EYS: variants seen among roughly 807,000 people sequenced by gnomAD.
EYS encodes EGF-like photoreceptor maintenance factor.
EYS carries 250 observed loss-of-function variants against 282.1 expected under a neutral mutation model. The observed-to-expected ratio is 0.89, with a 90% confidence interval of 0.80 to 0.98. The LOEUF (loss-of-function observed/expected upper bound fraction) is 0.98, where lower values mean the gene tolerates loss of function less well. EYS is among the 50% of genes least tolerant of loss of function. The pLI is 0.00. For synonymous variants in EYS, 1,355 were observed against 1,282.9 expected (o/e 1.06, Z -1.20); for missense variants, 4,016 against 3,709.0 (o/e 1.08, Z -2.15).
chr6:64,464,014 C>T (rs1775841446), intron 26 of EYS, among the ~76,000 whole-genome samples: 2 of 152,134 alleles, frequency 1.3e-5, no homozygotes, highest in African/African-American at 4.8e-5. Flanking sequence ...AGACCAACGT[C>T]CTTGAAACAT....
intron 2 of EYS, among the ~76,000 whole-genome samples, chr6:65,569,205 C>T (rs1197583764): frequency 2.0e-5 from 3 of 152,098 alleles, no homozygotes; most frequent in African/African-American, 4.8e-5. Context: ...CCCCACTGAG[C>T]ACCTTGTGAC....
intron 35 of EYS, among the ~76,000 whole-genome samples, chr6:63,974,649 G>A (rs1173021394): frequency 6.6e-6 from 1 of 152,016 alleles, no homozygotes; most frequent in Non-Finnish European, 1.5e-5. Context: ...GAATTTGATA[G>A]TGGTCTTTTC....
At chr6:64,262,870 C>G (rs1226450499) in intron 30 of EYS, among the ~76,000 whole-genome samples, 1 of 152,036 alleles carries the variant, frequency 6.6e-6, no homozygotes, top group Non-Finnish European at 1.5e-5. Context: ...TAGGTTTACA[C>G]AAGCCTTCAT....
At chr6:63,824,010 A>G (rs1214293003) in intron 36 of EYS, among the ~76,000 whole-genome samples, 1 of 152,188 alleles carries the variant, frequency 6.6e-6, no homozygotes, top group Non-Finnish European at 1.5e-5. Flanking sequence ...TCAGGAACCT[A>G]CTTCCACCAA....
rs12207746 is a variant in EYS, at chr6:65,332,338, T to G, written c.1766+2642A>C. 59,905 of 763,804 alleles carry G rather than the reference T, an allele frequency of 0.078. 3,485 individuals carry two copies. Among genetic ancestry groups the G allele is most frequent in the African/African-American group, 0.23 (13,604 of 57,932 alleles). 47.3% of individuals were successfully genotyped at this position (763,804 alleles called of 1,614,324 possible). A position where few individuals can be genotyped will look rare whatever the true frequency, so the allele number is the denominator to read the frequency against. On this transcript the variant is annotated intron_variant, in intron 11 of 42. Coordinates refer to ENST00000503581, the MANE Select transcript of EYS (RefSeq NM_001142800.2). The stretch of plus-strand genomic sequence containing the variant: ...CTAAATCAAACTTATATTCTTACGA[T>G]AAATCCCACCTGGTCATGCTGTATA...
intron 33 of EYS, among the ~76,000 whole-genome samples, chr6:64,026,382 G>A (rs532438062): frequency 6.6e-6 from 1 of 152,116 alleles, no homozygotes; most frequent in Non-Finnish European, 1.5e-5. Flanking sequence ...GGCATCAACA[G>A]GATCACCCTT....
At chr6:63,945,792 C>A (rs1040602119) in intron 35 of EYS, among the ~76,000 whole-genome samples, 2 of 152,070 alleles carry the variant, frequency 1.3e-5, no homozygotes, top group Admixed American at 1.3e-4. Context: ...AAAGTATTTA[C>A]CTGATCTAAT....
In EYS at chr6:65,537,442, C is replaced by T. The variant is rs758844254; in HGVS notation, c.-332-41449G>A. Among the ~76,000 whole-genome samples the T allele has an allele frequency of 5.1e-4, 77 of 152,076 alleles. 1 individual carries two copies. Among genetic ancestry groups the T allele is most frequent in the Admixed American group, 2.1e-3 (32 of 15,256 alleles). The stretch of plus-strand genomic sequence containing the variant: ...TTAAACATTTCCTAAGATTTATATA[C>T]ATTTATGCATAAACAATAATTAAAT... On this transcript the variant is annotated intron_variant, in intron 2 of 42. Transcript: ENST00000503581.
In EYS at chr6:64,905,532, T is replaced by C. The variant is rs538569562; in HGVS notation, c.2642-3032A>G. Among the ~76,000 whole-genome samples the C allele has an allele frequency of 1.1e-3, 170 of 152,300 alleles. 1 individual carries two copies. The highest frequency in any genetic ancestry group is 1.9e-3 in the Non-Finnish European group (126 of 68,012). ...CTCGTCTGTGTATGGCTATAACAAATACACACGAATGGTCAGTAAATGATA... is the reference window on the plus strand; with the variant it reads ...CTCGTCTGTGTATGGCTATAACAAACACACACGAATGGTCAGTAAATGATA... On this transcript the variant is annotated intron_variant, in intron 16 of 42. Transcript: ENST00000503581.
intron 22 of EYS, among the ~76,000 whole-genome samples, chr6:64,675,870 G>A (rs1583027523): frequency 6.6e-6 from 1 of 151,086 alleles, no homozygotes; most frequent in African/African-American, 2.4e-5. Context: ...ATTTGTAAAA[G>A]GGAATAATAA....
intron 18 of EYS, among the ~76,000 whole-genome samples, chr6:64,888,348 C>T (rs1767165134): frequency 6.6e-6 from 1 of 151,840 alleles, no homozygotes; most frequent in African/African-American, 2.4e-5. Flanking sequence ...CTTATTCGTT[C>T]ATTACAAACG....
intron 26 of EYS, among the ~76,000 whole-genome samples, chr6:64,587,879 G>A (rs750267052): frequency 6.6e-6 from 1 of 152,038 alleles, no homozygotes; most frequent in East Asian, 1.9e-4. Flanking sequence ...TGACCCGCAT[G>A]TATACCATTG....
chr6:64,466,475 C>T (rs1341868343), intron 26 of EYS, among the ~76,000 whole-genome samples: 1 of 152,020 alleles, frequency 6.6e-6, no homozygotes, highest in African/African-American at 2.4e-5. Context: ...TGGGGAGCAC[C>T]ATGTAAAGTG....
rs545804158 is a variant in EYS, at chr6:64,025,990, G to A, written c.6726-26807C>T. On this transcript the variant is annotated intron_variant, in intron 33 of 42. Transcript: ENST00000503581. ...TCCTTGTGGTCTAGGGGACAGGCAA[G>A]GGTGCAGGTTTTTTAGAATGCCTCA... 6.2e-4 allele frequency among the ~76,000 whole-genome samples: 95 copies of A among 152,334 alleles called. 3 individuals are homozygous for A. In the South Asian group the frequency reaches 0.019, roughly 31 times the overall value.
At chr6:64,017,561 G>T (rs1768954716) in intron 33 of EYS, among the ~76,000 whole-genome samples, 2 of 152,166 alleles carry the variant, frequency 1.3e-5, no homozygotes, top group African/African-American at 4.8e-5. Flanking sequence ...AGTACCTGAT[G>T]CATAATGCAC....
intron 36 of EYS, among the ~76,000 whole-genome samples, chr6:63,829,427 G>C (rs1771563748): frequency 6.6e-6 from 1 of 152,196 alleles, no homozygotes; most frequent in African/African-American, 2.4e-5. Context: ...CCCACACCTG[G>C]ATTGGAGGGT....
chr6:64,699,856 T>G (rs926499355), intron 22 of EYS, among the ~76,000 whole-genome samples: 2 of 152,018 alleles, frequency 1.3e-5, no homozygotes, highest in African/African-American at 4.8e-5. Flanking sequence ...AAACCCAGTA[T>G]TTTGATGTCA....
At chr6:64,166,259 A>G (rs900770969) in intron 31 of EYS, among the ~76,000 whole-genome samples, 4 of 152,220 alleles carry the variant, frequency 2.6e-5, no homozygotes, top group Non-Finnish European at 5.9e-5. Flanking sequence ...CTTTGCTGAT[A>G]TGACTACTAC....
intron 2 of EYS, among the ~76,000 whole-genome samples, chr6:65,594,141 T>C (rs1238221587): frequency 2.6e-5 from 4 of 151,870 alleles, no homozygotes; most frequent in Admixed American, 2.6e-4. Flanking sequence ...ATTATGATCA[T>C]TATTATTATT....
Sources: allele counts gnomAD v4.1 joint callset (sites outside exome capture counted in the v4.1 genomes callset), GRCh38; gene constraint gnomAD v4.1.1; transcripts MANE v1.5; gene names NCBI Gene and HGNC (gene_info 2026-07-23, HGNC 2026-07-21).